The following PYGO1 variants were observed in gnomAD, a reference collection of about 807,000 sequenced individuals.
PYGO1 encodes the protein pygopus family PHD finger 1.
A neutral mutation model predicts 29.5 loss-of-function variants in PYGO1; 6 were observed. The ratio of observed to expected loss-of-function variants is 0.20; its 90% CI spans 0.11 to 0.40. The LOEUF is 0.40. Among genes scored for constraint, PYGO1 ranks in the 10% least tolerant of loss-of-function variants. PYGO1 has a pLI of 1.00. For synonymous variants in PYGO1, 186 were observed against 180.5 expected (o/e 1.03, Z -0.24); for missense variants, 515 against 514.9 (o/e 1.00, Z 0.00).
rs1394320158 is a variant in PYGO1, at chr15:55,588,103, G to T, written c.-220C>A. The T allele has an allele frequency of 4.0e-6, 4 of 989,290 alleles. No individual in the cohort carries two copies. The highest frequency in any genetic ancestry group is 6.0e-5 in the Admixed American group (1 of 16,686). 61.3% of individuals were successfully genotyped at this position (989,290 alleles called of 1,614,324 possible). A position where few individuals can be genotyped will look rare whatever the true frequency, so the allele number is the denominator to read the frequency against. ...GGCGGCGGGGCGGCGTGCGGGCACCGGCGGGGCTCAGCGGCGGTGGCCGGG... is the reference window on the plus strand; with the variant it reads ...GGCGGCGGGGCGGCGTGCGGGCACCTGCGGGGCTCAGCGGCGGTGGCCGGG... On this transcript the variant is annotated 5_prime_UTR_variant, in exon 1 of 3. Coordinates refer to ENST00000563719, the MANE Select transcript of PYGO1 (RefSeq NM_001367806.1).
chr15:55,559,771 T>C (rs113771974), intron 1 of PYGO1, among the ~76,000 whole-genome samples: 72 of 152,288 alleles, frequency 4.7e-4, no homozygotes, highest in Middle Eastern at 3.4e-3. Context: ...CTGATGAACA[T>C]TGATGTAAAA....
intron 1 of PYGO1, among the ~76,000 whole-genome samples, chr15:55,555,804 A>G (rs996613443): frequency 4.6e-5 from 7 of 152,316 alleles, no homozygotes; most frequent in Non-Finnish European, 1.0e-4. Flanking sequence ...GCAAAGACAC[A>G]CATAGGCTCA....
In PYGO1 at chr15:55,540,046, G is replaced by C. The variant is rs2058822640; in HGVS notation, c.*5977C>G. 6.6e-6 allele frequency: 1 copy of C among 151,982 alleles called. No individual in the cohort carries two copies. Among genetic ancestry groups the C allele is most frequent in the African/African-American group, 2.4e-5 (1 of 41,436 alleles). The allele number at this position is 151,982 out of a possible 1,614,324, so 9.4% of individuals were successfully genotyped here. On this transcript the variant is annotated 3_prime_UTR_variant, in exon 3 of 3. Transcript: ENST00000563719. ...CTTATTACAATTCTTTTGGGTACTT[G>C]TCTTAATGACAAAATAAGAATGCTT...
intron 1 of PYGO1, among the ~76,000 whole-genome samples, chr15:55,585,359 T>C (rs1037133813): frequency 1.2e-4 from 19 of 152,216 alleles, no homozygotes; most frequent in African/African-American, 4.6e-4. Flanking sequence ...CTCCAGAGTT[T>C]ATGCCCTGCA....
At position 55,539,811 on chromosome 15, in the gene PYGO1, T is replaced by C. The variant is rs535744838; in HGVS notation, c.*6212A>G. 1 of 152,208 alleles carries C rather than the reference T, an allele frequency of 6.6e-6. No individual in the cohort carries two copies. Among genetic ancestry groups the C allele is most frequent in the African/African-American group, 2.4e-5 (1 of 41,588 alleles). 9.4% of individuals were successfully genotyped at this position (152,208 alleles called of 1,614,324 possible). A position where few individuals can be genotyped will look rare whatever the true frequency, so the allele number is the denominator to read the frequency against. On this transcript the variant is annotated 3_prime_UTR_variant, in exon 3 of 3. Coordinates refer to ENST00000563719, the MANE Select transcript of PYGO1 (RefSeq NM_001367806.1). The stretch of plus-strand genomic sequence containing the variant: ...TATACCATAACCATGCCGAATATGA[T>C]GCAGTATAGAGATATCATTAACATA...
intron 1 of PYGO1, among the ~76,000 whole-genome samples, chr15:55,576,481 A>G (rs1276961311): frequency 1.7e-4 from 21 of 126,014 alleles, no homozygotes; most frequent in African/African-American, 3.1e-4. Flanking sequence ...AAAAAAAAAA[A>G]AGAGAGAGGC....
In PYGO1 at chr15:55,545,908, GTAAA is replaced by G; in HGVS notation, c.*111_*114del. On this transcript the variant is annotated 3_prime_UTR_variant, in exon 3 of 3. Transcript: ENST00000563719. Reference sequence around the variant, plus strand: ...TGATGAAGTGATTAATAAAAACTAAGTAAATAATGTTTTTGTGTATGCATTTAAA... The same window carrying G: ...TGATGAAGTGATTAATAAAAACTAAGTAATGTTTTTGTGTATGCATTTAAA... 8.4e-7 allele frequency: 1 copy of G among 1,188,358 alleles called. No homozygotes were observed. The highest frequency in any genetic ancestry group is 1.2e-6 in the Non-Finnish European group (1 of 860,366). 73.6% of individuals were successfully genotyped at this position (1,188,358 alleles called of 1,614,324 possible). A position where few individuals can be genotyped will look rare whatever the true frequency, so the allele number is the denominator to read the frequency against.
At chr15:55,571,527 A>T (rs2058980036) in intron 1 of PYGO1, among the ~76,000 whole-genome samples, 1 of 152,080 alleles carries the variant, frequency 6.6e-6, no homozygotes, top group South Asian at 2.1e-4. Context: ...TGGTTTTATG[A>T]TAGTGAATAA....
chr15:55,563,657 A>T (rs2058943020), intron 1 of PYGO1, among the ~76,000 whole-genome samples: 1 of 152,024 alleles, frequency 6.6e-6, no homozygotes, highest in Non-Finnish European at 1.5e-5. Flanking sequence ...GCCACAAATA[A>T]ATTCTTTAGT....
In PYGO1 at chr15:55,546,249, A is replaced by G; in HGVS notation, c.1034T>C (p.Ile345Thr). Residue 345 changes from isoleucine (I) to threonine (T), a missense_variant, in exon 3 of 3, where the codon ATT becomes ACT. Physicochemically the swap from Ile to Thr is moderately conservative, Grantham distance 89. Coordinates refer to ENST00000563719, the MANE Select transcript of PYGO1 (RefSeq NM_001367806.1). ...ATCATCGTTCACCTCGTTTGTACAAATTCCACAAGGATACACTGGGTCAGA... is the reference window on the plus strand; with the variant it reads ...ATCATCGTTCACCTCGTTTGTACAAGTTCCACAAGGATACACTGGGTCAGA... ...SSSDPVYPCG[I>T]CTNEVNDDQD... The G allele has an allele frequency of 6.2e-7, 1 of 1,614,180 alleles. No individual in the cohort carries two copies. Among genetic ancestry groups the G allele is most frequent in the East Asian group, 2.2e-5 (1 of 44,884 alleles).
At chr15:55,586,494 T>C (rs936809631) in intron 1 of PYGO1, among the ~76,000 whole-genome samples, 1 of 152,240 alleles carries the variant, frequency 6.6e-6, no homozygotes, top group African/African-American at 2.4e-5. Context: ...TAAAATGCTA[T>C]AATTTAAAAA....
In PYGO1 at chr15:55,587,968, G is replaced by T; in HGVS notation, c.-85C>A. ...CGGCGGCGGCTCCTCCTCCTCGCGG[G>T]GCCGCTGCGGCTGCGAGGCAAGCCT... is the stretch of plus-strand genomic sequence containing the variant. On this transcript the variant is annotated 5_prime_UTR_variant, in exon 1 of 3. Transcript: ENST00000563719. The T allele has an allele frequency of 7.0e-7, 1 of 1,427,196 alleles. No homozygotes were observed. Among genetic ancestry groups the T allele is most frequent in the African/African-American group, 1.5e-5 (1 of 67,720 alleles). 88.4% of individuals were successfully genotyped at this position (1,427,196 alleles called of 1,614,324 possible).
intron 1 of PYGO1, among the ~76,000 whole-genome samples, chr15:55,564,225 A>G (rs913804385): frequency 1.3e-5 from 2 of 152,236 alleles, no homozygotes; most frequent in Non-Finnish European, 2.9e-5. Context: ...ACAATGAAAC[A>G]TTACTCAGCC....
chr15:55,563,366 CTTTT>C (rs746208614), intron 1 of PYGO1, among the ~76,000 whole-genome samples: 3 of 128,786 alleles, frequency 2.3e-5, no homozygotes, highest in African/African-American at 2.9e-5. Context: ...TGAATAAATT[CTTTT>C]TTTTTTTTTT....
upstream of PYGO1, chr15:55,588,761 G>A: frequency 6.3e-7 from 1 of 1,598,798 alleles, no homozygotes; most frequent in South Asian, 1.1e-5. Flanking sequence ...CACAGCAGCA[G>A]GCGTCTCGGC....
chr15:55,587,715 G>A (rs2059054559), intron 1 of PYGO1, 120 bp downstream of exon 1: 7 of 1,200,676 alleles, frequency 5.8e-6, no homozygotes, highest in Admixed American at 4.4e-5. Flanking sequence ...GGTGCCGGCG[G>A]GACGCGGGCT....
intron 1 of PYGO1, among the ~76,000 whole-genome samples, chr15:55,557,993 G>A (rs2058914549): frequency 1.3e-5 from 2 of 152,118 alleles, no homozygotes; most frequent in Non-Finnish European, 2.9e-5. Context: ...GGAAGTTCTG[G>A]CCAGGGCAAT....
chr15:55,562,231 C>T (rs966245458), intron 1 of PYGO1, among the ~76,000 whole-genome samples: 36 of 152,164 alleles, frequency 2.4e-4, no homozygotes, highest in African/African-American at 8.7e-4. Flanking sequence ...CACTTTTACA[C>T]TGTTGGTGGG....
rs1409756841 is a variant in PYGO1, at chr15:55,588,257, A to G, written c.-374T>C. Among the ~76,000 whole-genome samples the G allele has an allele frequency of 6.7e-6, 1 of 148,904 alleles. No homozygotes were observed. The highest frequency in any genetic ancestry group is 1.5e-5 in the Non-Finnish European group (1 of 66,932). Reference sequence around the variant, plus strand: ...CTCAGGAGCCGCTGACAGGGGAAGCAGGAGGCTCGCGGCCCGGCCCTGGCG... The same window carrying G: ...CTCAGGAGCCGCTGACAGGGGAAGCGGGAGGCTCGCGGCCCGGCCCTGGCG... On this transcript the variant is annotated 5_prime_UTR_variant, in exon 1 of 3. Coordinates refer to ENST00000563719, the MANE Select transcript of PYGO1 (RefSeq NM_001367806.1).
Sources: allele counts gnomAD v4.1 joint callset (sites outside exome capture counted in the v4.1 genomes callset), GRCh38; gene constraint gnomAD v4.1.1; transcripts MANE v1.5; gene names NCBI Gene and HGNC (gene_info 2026-07-23, HGNC 2026-07-21).